GRID1: variants seen among roughly 807,000 people sequenced by gnomAD.
The protein encoded by GRID1 is glutamate receptor ionotropic, delta-1.
Under a neutral mutation model 98.0 loss-of-function variants are expected in GRID1, and 28 were observed. That is an observed-to-expected ratio of 0.29 (90% confidence interval 0.21 to 0.39). The LOEUF is 0.39. Ranked by LOEUF, GRID1 falls within the 10% of genes least tolerant of loss-of-function variation. The probability of loss-of-function intolerance (pLI) is 1.00; values close to 1 mark genes in which losing one functional copy is unlikely to be tolerated. For synonymous variants in GRID1, 553 were observed against 538.5 expected (o/e 1.03, Z -0.37); for missense variants, 1,111 against 1,340.5 (o/e 0.83, Z 2.67).
At chr10:85,752,504 C>G (rs116731236) in intron 8 of GRID1, among the ~76,000 whole-genome samples, 58 of 152,118 alleles carry the variant, frequency 3.8e-4, no homozygotes, top group Non-Finnish European at 6.8e-4. Flanking sequence ...AGTGGAGATA[C>G]AGATAAATTT....
At chr10:85,846,852 C>A (rs1028465678) in intron 8 of GRID1, among the ~76,000 whole-genome samples, 5 of 152,110 alleles carry the variant, frequency 3.3e-5, no homozygotes, top group African/African-American at 1.2e-4. Flanking sequence ...AATGTAGAAA[C>A]CAGGAAATAA....
intron 8 of GRID1, among the ~76,000 whole-genome samples, chr10:85,788,368 A>G (rs1012306176): frequency 1.3e-5 from 2 of 152,020 alleles, no homozygotes; most frequent in African/African-American, 2.4e-5. Flanking sequence ...CCTACTTAGC[A>G]CTTAATTATT....
At chr10:86,092,923 G>T (rs149310388) in intron 4 of GRID1, among the ~76,000 whole-genome samples, 5 of 152,092 alleles carry the variant, frequency 3.3e-5, no homozygotes, top group African/African-American at 1.2e-4. Context: ...TCCAGCAACC[G>T]CAGAATACAC....
At chr10:85,946,894 G>C (rs1166603437) in intron 4 of GRID1, among the ~76,000 whole-genome samples, 1 of 152,162 alleles carries the variant, frequency 6.6e-6, no homozygotes, top group Non-Finnish European at 1.5e-5. Flanking sequence ...GTGAATATGA[G>C]AAGCACACAG....
At chr10:85,845,495 A>T (rs1347172502) in intron 8 of GRID1, among the ~76,000 whole-genome samples, 2 of 152,346 alleles carry the variant, frequency 1.3e-5, no homozygotes, top group African/African-American at 4.8e-5. Context: ...ATTGATCAAG[A>T]GTCAAGGCAA....
chr10:85,749,302 T>C (rs1326338932), intron 8 of GRID1, among the ~76,000 whole-genome samples: 1 of 152,126 alleles, frequency 6.6e-6, no homozygotes, highest in Non-Finnish European at 1.5e-5. Flanking sequence ...ATCTCTTCTT[T>C]AGTGGCAGCC....
intron 8 of GRID1, among the ~76,000 whole-genome samples, chr10:85,818,551 A>G (rs1842735612): frequency 6.6e-6 from 1 of 152,202 alleles, no homozygotes; most frequent in South Asian, 2.1e-4. Context: ...CTCCTTGGAG[A>G]CATGGCTAAT....
intron 2 of GRID1, among the ~76,000 whole-genome samples, chr10:86,342,627 G>A (rs990338703): frequency 1.3e-5 from 2 of 152,226 alleles, no homozygotes; most frequent in African/African-American, 4.8e-5. Flanking sequence ...GACATCCAGA[G>A]AACAGGAAGT....
chr10:85,910,958 A>C (rs1589295827), intron 5 of GRID1, among the ~76,000 whole-genome samples: 1 of 152,202 alleles, frequency 6.6e-6, no homozygotes, highest in African/African-American at 2.4e-5. Context: ...GGAAAGAAAA[A>C]CCCTGCCAAA....
At chr10:86,029,180 C>T (rs911024365) in intron 4 of GRID1, among the ~76,000 whole-genome samples, 1 of 152,184 alleles carries the variant, frequency 6.6e-6, no homozygotes, top group African/African-American at 2.4e-5. Flanking sequence ...GTTTCCACTT[C>T]CCCCCAAAAC....
At chr10:85,934,011 C>T (rs1257199447) in intron 4 of GRID1, among the ~76,000 whole-genome samples, 2 of 152,146 alleles carry the variant, frequency 1.3e-5, no homozygotes, top group Non-Finnish European at 2.9e-5. Flanking sequence ...CCTAGGTACC[C>T]TGTCCTCAGT....
At chr10:86,120,407 C>A (rs927068001) in intron 4 of GRID1, among the ~76,000 whole-genome samples, 4 of 152,196 alleles carry the variant, frequency 2.6e-5, no homozygotes, top group Non-Finnish European at 4.4e-5. Context: ...CCCTCACAAT[C>A]CCTGTACTTA....
At chr10:86,208,841 A>G (rs1385100101) in intron 2 of GRID1, among the ~76,000 whole-genome samples, 1 of 152,194 alleles carries the variant, frequency 6.6e-6, no homozygotes, top group Non-Finnish European at 1.5e-5. Flanking sequence ...CCAGTCAATA[A>G]TTCCTCTCTG....
intron 2 of GRID1, among the ~76,000 whole-genome samples, chr10:86,235,552 C>T (rs1271353160): frequency 6.6e-6 from 1 of 152,226 alleles, no homozygotes; most frequent in East Asian, 1.9e-4. Flanking sequence ...TCAATCTCTG[C>T]TTCCACCCCC....
At chr10:86,139,080 C>T in intron 3 of GRID1, 56 bp from the exon 4 acceptor site, 1 of 1,272,388 alleles carries the variant, frequency 7.9e-7, no homozygotes, top group Non-Finnish European at 1.1e-6. Context: ...GGGAATGCAC[C>T]CGGGAGGGTG....
intron 13 of GRID1, among the ~76,000 whole-genome samples, chr10:85,627,831 G>A (rs942090297): frequency 4.6e-5 from 7 of 152,180 alleles, no homozygotes; most frequent in East Asian, 1.9e-4. Context: ...CGCGAGTTCC[G>A]TTTCCTGCTC....
chr10:85,937,563 C>A (rs1359383858), intron 4 of GRID1, among the ~76,000 whole-genome samples: 1 of 152,146 alleles, frequency 6.6e-6, no homozygotes, highest in Non-Finnish European at 1.5e-5. Flanking sequence ...TTATCATAGC[C>A]CATTGCTCTT....
intron 15 of GRID1, among the ~76,000 whole-genome samples, chr10:85,612,510 C>T (rs1206694657): frequency 6.6e-6 from 1 of 152,124 alleles, no homozygotes; most frequent in African/African-American, 2.4e-5. Flanking sequence ...TGCTTTACCA[C>T]TTCCTGTTTG....
chr10:85,690,696 C>T (rs548577019), intron 12 of GRID1, among the ~76,000 whole-genome samples: 1 of 152,288 alleles, frequency 6.6e-6, no homozygotes, highest in South Asian at 2.1e-4. Flanking sequence ...TCTAAGTGTT[C>T]ACAGATCTTC....
Sources: gnomAD v4.1 joint callset for allele counts (sites outside exome capture counted in the v4.1 genomes callset) on GRCh38, gnomAD v4.1.1 for gene constraint, MANE v1.5 for transcripts, NCBI Gene and HGNC (gene_info 2026-07-23, HGNC 2026-07-21) for gene names.